Variants in KCTD8 observed in about 807,000 individuals in gnomAD.
The protein encoded by KCTD8 is BTB/POZ domain-containing protein KCTD8.
Under a neutral mutation model 31.5 loss-of-function variants are expected in KCTD8, and 27 were observed. The observed-to-expected ratio is 0.86, with a 90% CI of 0.63 to 1.18. The LOEUF (loss-of-function observed/expected upper bound fraction) is 1.18, where lower values mean the gene tolerates loss of function less well. Ranked by LOEUF, KCTD8 falls within the 50% of genes most tolerant of loss-of-function variation. KCTD8 has a pLI of 0.00. For synonymous variants in KCTD8, 290 were observed against 280.0 expected (o/e 1.04, Z -0.36); for missense variants, 658 against 647.7 (o/e 1.02, Z -0.17).
chr4:44,406,866 T>C (rs898821831), intron 1 of KCTD8, among the ~76,000 whole-genome samples: 28 of 152,262 alleles, frequency 1.8e-4, no homozygotes, highest in African/African-American at 5.5e-4. Context: ...AATGTTTCTG[T>C]TCTCAGGTTA....
chr4:44,370,452 C>A (rs766159335), intron 1 of KCTD8, among the ~76,000 whole-genome samples: 1 of 152,130 alleles, frequency 6.6e-6, no homozygotes, highest in Non-Finnish European at 1.5e-5. Flanking sequence ...ATTTTTCTCA[C>A]GAAGTCTACT....
intron 1 of KCTD8, among the ~76,000 whole-genome samples, chr4:44,383,148 C>T (rs551763329): frequency 4.6e-5 from 7 of 151,222 alleles, no homozygotes; most frequent in Non-Finnish European, 8.9e-5. Flanking sequence ...ACCTATAAAA[C>T]GCTGATAAAA....
intron 1 of KCTD8, among the ~76,000 whole-genome samples, chr4:44,301,337 T>C (rs920216811): frequency 3.9e-5 from 6 of 152,224 alleles, no homozygotes; most frequent in South Asian, 2.1e-4. Flanking sequence ...CCACCAACAG[T>C]GTAAAAGTGT....
intron 1 of KCTD8, among the ~76,000 whole-genome samples, chr4:44,364,309 A>G (rs1232126365): frequency 1.3e-5 from 2 of 152,192 alleles, no homozygotes; most frequent in African/African-American, 4.8e-5. Context: ...CAAATATTAC[A>G]GATGGCAAAT....
At chr4:44,278,824 G>C in intron 1 of KCTD8, among the ~76,000 whole-genome samples, 1 of 151,996 alleles carries the variant, frequency 6.6e-6, no homozygotes, top group East Asian at 1.9e-4. Flanking sequence ...TTATTTCTCA[G>C]ATATGGAGAG....
chr4:44,225,042 C>T (rs1002869478), intron 1 of KCTD8, among the ~76,000 whole-genome samples: 1 of 152,170 alleles, frequency 6.6e-6, no homozygotes, highest in African/African-American at 2.4e-5. Flanking sequence ...GCATCTACTC[C>T]CCAACAGCAA....
chr4:44,351,440 T>A (rs984599170), intron 1 of KCTD8, among the ~76,000 whole-genome samples: 1 of 152,100 alleles, frequency 6.6e-6, no homozygotes, highest in Non-Finnish European at 1.5e-5. Flanking sequence ...AAATTAGATT[T>A]CCATATCATT....
At chr4:44,435,639 G>A (rs755740328) in intron 1 of KCTD8, among the ~76,000 whole-genome samples, 21 of 152,040 alleles carry the variant, frequency 1.4e-4, no homozygotes, top group Non-Finnish European at 2.2e-4. Flanking sequence ...GTTATGCAAC[G>A]ATGTTTTTGC....
At chr4:44,374,323 C>T (rs1406476193) in intron 1 of KCTD8, among the ~76,000 whole-genome samples, 1 of 152,142 alleles carries the variant, frequency 6.6e-6, no homozygotes, top group Non-Finnish European at 1.5e-5. Context: ...GCTTGCCATT[C>T]TCTCGGCCTT....
At position 44,330,926 on chromosome 4, in the gene KCTD8, A is replaced by C. The variant is rs1718576517; in HGVS notation, c.961+116637T>G. Among the ~76,000 whole-genome samples the C allele has an allele frequency of 2.0e-5, 3 of 151,788 alleles. No homozygotes were observed. In the South Asian group the frequency reaches 6.2e-4, roughly 31 times the overall value. ...GTACAAATGCAGTTTCCCAGAGAAGATATGAGGCATACCACATTGTGACAC... is the reference window on the plus strand; with the variant it reads ...GTACAAATGCAGTTTCCCAGAGAAGCTATGAGGCATACCACATTGTGACAC... On this transcript the variant is annotated intron_variant, in intron 1 of 1. Transcript: ENST00000360029.
chr4:44,250,518 G>A (rs1715796786), intron 1 of KCTD8, among the ~76,000 whole-genome samples: 1 of 151,730 alleles, frequency 6.6e-6, no homozygotes, highest in Non-Finnish European at 1.5e-5. Flanking sequence ...ACTTTCCCAG[G>A]TTCAGGTCAC....
At chr4:44,288,517 T>C (rs1327660549) in intron 1 of KCTD8, among the ~76,000 whole-genome samples, 1 of 152,150 alleles carries the variant, frequency 6.6e-6, no homozygotes, top group South Asian at 2.1e-4. Context: ...GACATGGTTA[T>C]AATTTCTGCT....
chr4:44,205,056 C>A (rs927567299), intron 1 of KCTD8, among the ~76,000 whole-genome samples: 4 of 151,874 alleles, frequency 2.6e-5, no homozygotes, highest in African/African-American at 9.7e-5. Context: ...GTAATGTGTT[C>A]TTTACTAGAA....
chr4:44,203,553 G>A (rs555866913), intron 1 of KCTD8, among the ~76,000 whole-genome samples: 30 of 149,522 alleles, frequency 2.0e-4, no homozygotes, highest in African/African-American at 4.2e-4. Flanking sequence ...TCAACTAAGC[G>A]TTCAGCTCAA....
intron 1 of KCTD8, among the ~76,000 whole-genome samples, chr4:44,216,232 A>G (rs1577835315): frequency 6.6e-6 from 1 of 152,286 alleles, no homozygotes; most frequent in East Asian, 1.9e-4. Flanking sequence ...AGTGCCATCT[A>G]AATTCATAGA....
At chr4:44,447,127 C>T (rs1340443469) in intron 1 of KCTD8, among the ~76,000 whole-genome samples, 1 of 152,212 alleles carries the variant, frequency 6.6e-6, no homozygotes, top group Non-Finnish European at 1.5e-5. Flanking sequence ...GGCATCCTGC[C>T]CTCTGCAGGG....
intron 1 of KCTD8, among the ~76,000 whole-genome samples, chr4:44,432,043 T>C (rs1560453358): frequency 6.6e-6 from 1 of 151,606 alleles, no homozygotes; most frequent in Non-Finnish European, 1.5e-5. Flanking sequence ...CTAACTCAGG[T>C]TAAAATGTCT....
At chr4:44,329,658 G>A (rs1261152427) in intron 1 of KCTD8, among the ~76,000 whole-genome samples, 1 of 151,738 alleles carries the variant, frequency 6.6e-6, no homozygotes, top group Non-Finnish European at 1.5e-5. Flanking sequence ...TTAGAAACAT[G>A]AGTACCCAAG....
chr4:44,255,186 T>C (rs1715956245), intron 1 of KCTD8, among the ~76,000 whole-genome samples: 1 of 151,912 alleles, frequency 6.6e-6, no homozygotes, highest in Admixed American at 6.6e-5. Context: ...CTTTCTTGGC[T>C]AATGGAGAAC....
Sources: allele counts gnomAD v4.1 joint callset (sites outside exome capture counted in the v4.1 genomes callset), GRCh38; gene constraint gnomAD v4.1.1; transcripts MANE v1.5; gene names NCBI Gene and HGNC (gene_info 2026-07-23, HGNC 2026-07-21).